The following MTMR10 variants were observed in gnomAD, a reference collection of about 807,000 sequenced individuals.
MTMR10 encodes myotubularin related protein 10.
A neutral mutation model predicts 88.1 loss-of-function variants in MTMR10; 56 were observed. The observed-to-expected ratio is 0.64, with a 90% CI of 0.51 to 0.79. The LOEUF (loss-of-function observed/expected upper bound fraction) is 0.79. Among genes scored for constraint, MTMR10 ranks in the 30% least tolerant of loss-of-function variants. The pLI is 0.00. For synonymous variants in MTMR10, 380 were observed against 340.9 expected, an observed-to-expected ratio of 1.11 and a Z score of -1.26; for missense variants, 883 against 924.7, an observed-to-expected ratio of 0.95 and a Z score of 0.58.
chr15:30,968,040 T>G, intron 5 of MTMR10, 30 bp from the exon 6 acceptor site: 1 of 1,457,742 alleles, frequency 6.9e-7, no homozygotes, highest in South Asian at 1.2e-5. Context: ...TAGAATTTGA[T>G]TTTAACACAC....
chr15:30,990,933 A>C (rs3743231), intron 1 of MTMR10, 96 bp from the exon 2 acceptor site: 235,618 of 969,444 alleles, frequency 0.24, 31,253 homozygotes, highest in African/African-American at 0.5. Flanking sequence ...GACACATGCG[A>C]AAGACACACA....
downstream of MTMR10, among the ~76,000 whole-genome samples, chr15:30,935,092 G>A (rs2062816135): frequency 6.6e-6 from 1 of 152,042 alleles, no homozygotes; most frequent in African/African-American, 2.4e-5. Context: ...GATTGCTTGG[G>A]CTCAGGAGTT....
At chr15:30,983,122 C>A (rs2030698400) in intron 2 of MTMR10, among the ~76,000 whole-genome samples, 2 of 152,204 alleles carry the variant, frequency 1.3e-5, no homozygotes, top group Non-Finnish European at 2.9e-5. Context: ...AGACGGCTGG[C>A]TGGCCTGCTT....
chr15:30,988,814 C>A (rs2031119431), intron 2 of MTMR10, among the ~76,000 whole-genome samples: 1 of 151,860 alleles, frequency 6.6e-6, no homozygotes, highest in Admixed American at 6.6e-5. Flanking sequence ...CATGGAGAAA[C>A]CCCATTTCTA....
At position 30,981,215 on chromosome 15, in the gene MTMR10, T is replaced by C. The variant is rs113274221; in HGVS notation, c.122-4260A>G. ...GGTAGTTTTAAGGTATGCCCATAAA[T>C]TCGTGATTCTCCTCTCTCCAGGAAG... On this transcript the variant is annotated intron_variant, in intron 2 of 15. Coordinates refer to ENST00000435680, the MANE Select transcript of MTMR10 (RefSeq NM_017762.3). Among the ~76,000 whole-genome samples, 1,250 of 152,328 alleles carry C rather than the reference T, an allele frequency of 8.2e-3. 15 individuals carry two copies. The highest frequency in any genetic ancestry group is 0.028 in the African/African-American group (1,185 of 41,582).
intron 6 of MTMR10, 136 bp from the exon 7 acceptor site, chr15:30,961,209 C>T: frequency 8.5e-7 from 1 of 1,179,936 alleles, no homozygotes; most frequent in Non-Finnish European, 1.1e-6. Flanking sequence ...TCTCCGAGAA[C>T]TGTCTTGCCC....
rs751651724 is a variant in MTMR10, at chr15:30,940,655, A to G, written c.*815T>C. On this transcript the variant is annotated 3_prime_UTR_variant, in exon 16 of 16. Coordinates refer to ENST00000435680, the MANE Select transcript of MTMR10 (RefSeq NM_017762.3). ...TACACCTCTGTGGAATCAGCACCCC[A>G]GAGGCCACTCCCCAGTGGCTTTCAG... 2 of 986,496 alleles carry G rather than the reference A, an allele frequency of 2.0e-6. No individual in the cohort carries two copies. The highest frequency in any genetic ancestry group is 2.4e-6 in the Non-Finnish European group (2 of 830,896). The allele number at this position is 986,496 out of a possible 1,614,324, so 61.1% of individuals were successfully genotyped here.
At chr15:30,988,434 C>A (rs552841009) in intron 2 of MTMR10, among the ~76,000 whole-genome samples, 116 of 152,178 alleles carry the variant, frequency 7.6e-4, no homozygotes, top group Non-Finnish European at 1.4e-3. Context: ...TAACACAGGT[C>A]AGAGAATTCC....
chr15:30,975,444 G>A (rs1297846005), intron 3 of MTMR10, among the ~76,000 whole-genome samples: 3 of 144,308 alleles, frequency 2.1e-5, no homozygotes, highest in Admixed American at 1.4e-4. Context: ...AACTAAGGAC[G>A]TAGTTAACAC....
intron 14 of MTMR10, 22 bp downstream of exon 14, chr15:30,947,108 C>G (rs767200717): frequency 6.4e-7 from 1 of 1,565,696 alleles, no homozygotes; most frequent in South Asian, 1.2e-5. Flanking sequence ...GAAAACGTAG[C>G]CACAGCCACA....
the MTMR10 span, chr15:30,927,584 T>C: frequency 1.0e-6 from 1 of 985,406 alleles, no homozygotes; most frequent in Non-Finnish European, 1.2e-6. Flanking sequence ...CTCACTGTGG[T>C]ACCACGCAGA....
intron 10 of MTMR10, among the ~76,000 whole-genome samples, chr15:30,954,515 T>C (rs1392286652): frequency 6.6e-6 from 1 of 152,204 alleles, no homozygotes; most frequent in African/African-American, 2.4e-5. Flanking sequence ...AGTATTCTCC[T>C]ATACCTTTCA....
At chr15:30,919,693 A>G in the MTMR10 span, among the ~76,000 whole-genome samples, 29 of 83,050 alleles carry the variant, frequency 3.5e-4, no homozygotes, top group East Asian at 2.2e-3. Flanking sequence ...TGTCTCGGGG[A>G]AAAAAAAAAA....
Position 30,939,483 on chromosome 15 carries a change from TGCACAATAAACTGTA to T in MTMR10, c.*1972_*1986del. 1 of 985,272 alleles carries T rather than the reference TGCACAATAAACTGTA, an allele frequency of 1.0e-6. No homozygotes were observed. The highest frequency in any genetic ancestry group is 1.2e-6 in the Non-Finnish European group (1 of 829,748). The allele number at this position is 985,272 out of a possible 1,614,324, so 61.0% of individuals were successfully genotyped here. A position where few individuals can be genotyped will look rare whatever the true frequency, so the allele number is the denominator to read the frequency against. On this transcript the variant is annotated 3_prime_UTR_variant, in exon 16 of 16. Transcript: ENST00000435680. ...GCTGTCATAGTTGTTTTTCATATTA[TGCACAATAAACTGTA>T]GCACAATAATCATGATATAACAACT...
the MTMR10 span, chr15:30,927,431 G>C: frequency 1.0e-6 from 1 of 985,642 alleles, no homozygotes; most frequent in Non-Finnish European, 1.2e-6. Context: ...CCCTGAGACG[G>C]GCTGCAGGGA....
At chr15:30,929,148 G>A in the MTMR10 span, 1 of 1,528,664 alleles carries the variant, frequency 6.5e-7, no homozygotes, top group Non-Finnish European at 8.9e-7. Flanking sequence ...TAGTCCTCTG[G>A]TGAACACGGC....
chr15:30,983,663 C>T (rs2030741982), intron 2 of MTMR10, among the ~76,000 whole-genome samples: 1 of 152,192 alleles, frequency 6.6e-6, no homozygotes, highest in Admixed American at 6.5e-5. Context: ...GGGCTTTTAA[C>T]AGTAGGGTGA....
intron 5 of MTMR10, among the ~76,000 whole-genome samples, chr15:30,969,550 T>C (rs2063512719): frequency 6.6e-6 from 1 of 152,168 alleles, no homozygotes. Flanking sequence ...TACACTGCCA[T>C]AGCCACATCC....
intron 14 of MTMR10, chr15:30,946,582 T>C: frequency 3.3e-6 from 2 of 606,068 alleles, no homozygotes; most frequent in Middle Eastern, 2.6e-4. Context: ...TCTGTTTCTC[T>C]CAATGGTCTC....
Sources: allele counts gnomAD v4.1 joint callset (sites outside exome capture counted in the v4.1 genomes callset), GRCh38; gene constraint gnomAD v4.1.1; transcripts MANE v1.5; gene names NCBI Gene and HGNC (gene_info 2026-07-23, HGNC 2026-07-21).